The following SF3B1 variants were observed in gnomAD, a reference collection of about 807,000 sequenced individuals.
SF3B1 encodes pre-mRNA processing 10.
Under a neutral mutation model 153.8 loss-of-function variants are expected in SF3B1, and 12 were observed. The ratio of observed to expected loss-of-function variants is 0.08; its 90% CI spans 0.05 to 0.13. The LOEUF (loss-of-function observed/expected upper bound fraction) is 0.13. Ranked by LOEUF, SF3B1 falls within the 10% of genes least tolerant of loss-of-function variation. SF3B1 has a pLI of 1.00. For missense variants in SF3B1, 513 were observed against 1,606.1 expected (o/e 0.32, Z 11.63); for synonymous variants, 498 against 525.2 (o/e 0.95, Z 0.71).
At chr2:197,413,521 T>A (rs2085102244) in intron 6 of SF3B1, among the ~76,000 whole-genome samples, 2 of 152,252 alleles carry the variant, frequency 1.3e-5, no homozygotes, top group African/African-American at 4.8e-5. Context: ...CTAAATTGTT[T>A]AGAAATTATG....
At chr2:197,399,523 T>G (rs762213010) in intron 20 of SF3B1, among the ~76,000 whole-genome samples, 1 of 152,240 alleles carries the variant, frequency 6.6e-6, no homozygotes, top group African/African-American at 2.4e-5. Flanking sequence ...ATAGCTGTAT[T>G]ACGGGTTAGA....
intron 4 of SF3B1, chr2:197,418,837 GCA>G (rs1312982385): frequency 6.6e-7 from 1 of 1,523,074 alleles, no homozygotes; most frequent in Non-Finnish European, 8.8e-7. Flanking sequence ...CAAAATGACA[GCA>G]CAGTTTAGAG....
In SF3B1 at chr2:197,431,637, C is replaced by T. The variant is rs75239142; in HGVS notation, c.28+3335G>A. On this transcript the variant is annotated intron_variant, in intron 1 of 24. Transcript: ENST00000335508. ...CTACTCTCCTTCAGCCAGATATAAC[C>T]GGTGAACAACTATTTCCAAAATACA... Among the ~76,000 whole-genome samples the T allele has an allele frequency of 6.6e-3, 1,006 of 152,206 alleles. 12 individuals are homozygous for T. Among genetic ancestry groups the T allele is most frequent in the South Asian group, 0.03 (144 of 4,820 alleles).
chr2:197,423,740 CAA>C (rs1308327184), intron 2 of SF3B1, 66 bp downstream of exon 2: 5 of 1,503,006 alleles, frequency 3.3e-6, no homozygotes, highest in African/African-American at 1.4e-5. Context: ...ATGGCTGCAA[CAA>C]AAGTTATTCA....
At chr2:197,418,378 C>T (rs1054096539) in intron 5 of SF3B1, 131 bp downstream of exon 5, 3 of 580,016 alleles carry the variant, frequency 5.2e-6, no homozygotes, top group Non-Finnish European at 8.4e-6. Flanking sequence ...GGGTAAGATT[C>T]TTTCTCAGTT....
chr2:197,431,629 G>C (rs182787949), intron 1 of SF3B1, among the ~76,000 whole-genome samples: 2 of 152,264 alleles, frequency 1.3e-5, no homozygotes, highest in African/African-American at 4.8e-5. Context: ...CCTTCAGCCA[G>C]ATATAACCGG....
intron 24 of SF3B1, 37 bp downstream of exon 24, chr2:197,392,935 A>C: frequency 7.7e-7 from 1 of 1,298,206 alleles, no homozygotes; most frequent in Non-Finnish European, 1.1e-6. Context: ...ATTTAAAAAA[A>C]AAAAATCACC....
chr2:197,416,616 A>C, intron 6 of SF3B1, 125 bp downstream of exon 6: 1 of 802,226 alleles, frequency 1.2e-6, no homozygotes, highest in Non-Finnish European at 1.9e-6. Flanking sequence ...TGCGAAAAAA[A>C]TCAATGTCTG....
intron 4 of SF3B1, chr2:197,419,546 T>TAA (rs2085207841): frequency 9.1e-6 from 2 of 220,684 alleles, no homozygotes. Flanking sequence ...CTAGCTCTGA[T>TAA]AAGACTTCCT....
chr2:197,424,124 C>A, intron 1 of SF3B1, 150 bp from the exon 2 acceptor site: 2 of 697,166 alleles, frequency 2.9e-6, no homozygotes, highest in Non-Finnish European at 4.7e-6. Context: ...GTAATCACAA[C>A]AGCGTAAGCA....
At chr2:197,417,202 A>C (rs2085160610) in intron 5 of SF3B1, among the ~76,000 whole-genome samples, 2 of 152,182 alleles carry the variant, frequency 1.3e-5, no homozygotes, top group South Asian at 4.1e-4. Context: ...GAGAACCATA[A>C]TGCTTCCACT....
At position 197,389,925 on chromosome 2, in the gene SF3B1, A is replaced by AACAAAGGCCCACAGAAAAACCC. The variant is rs2084792129; in HGVS notation, c.*2356_*2377dup. ...GAGGGCGATGGCCCACAGAAAAACC[A>AACAAAGGCCCACAGAAAAACCC]ACAAAGGCCCACAGAAAAACCCACC... is the stretch of plus-strand genomic sequence containing the variant. On this transcript the variant is annotated 3_prime_UTR_variant, in exon 25 of 25. Coordinates refer to ENST00000335508, the MANE Select transcript of SF3B1 (RefSeq NM_012433.4). 2 of 152,230 alleles carry AACAAAGGCCCACAGAAAAACCC rather than the reference A, an allele frequency of 1.3e-5. No homozygotes were observed. Among genetic ancestry groups the AACAAAGGCCCACAGAAAAACCC allele is most frequent in the African/African-American group, 4.8e-5 (2 of 41,462 alleles). The allele number at this position is 152,230 out of a possible 1,614,324, so 9.4% of individuals were successfully genotyped here.
chr2:197,432,513 A>G (rs764555156), intron 1 of SF3B1, among the ~76,000 whole-genome samples: 2 of 152,220 alleles, frequency 1.3e-5, no homozygotes, highest in African/African-American at 2.4e-5. Flanking sequence ...CATAAGCCAC[A>G]TTGGCCAGGG....
intron 1 of SF3B1, among the ~76,000 whole-genome samples, chr2:197,425,581 C>T (rs1462085184): frequency 6.6e-6 from 1 of 152,110 alleles, no homozygotes; most frequent in East Asian, 1.9e-4. Context: ...CCTCCCACCC[C>T]CCCAGCTAAG....
rs555990746 is a variant in SF3B1, at chr2:197,407,912, A to G, written c.1239+86T>C. On this transcript the variant is annotated intron_variant, in intron 9 of 24. Coordinates refer to ENST00000335508, the MANE Select transcript of SF3B1 (RefSeq NM_012433.4). ...GAATGACAATAGTAAATTTGGGCAAAGCCAATGCAAGCTTAATCAATTTTT... is the reference window on the plus strand; with the variant it reads ...GAATGACAATAGTAAATTTGGGCAAGGCCAATGCAAGCTTAATCAATTTTT... The G allele has an allele frequency of 3.4e-5, 43 of 1,251,044 alleles. 1 individual carries two copies. In the South Asian group the frequency reaches 5.6e-4, roughly 16 times the overall value. The allele number at this position is 1,251,044 out of a possible 1,614,324, so 77.5% of individuals were successfully genotyped here.
chr2:197,412,341 A>AATTAATTTATTT (rs1553564766), intron 6 of SF3B1, among the ~76,000 whole-genome samples: 2 of 145,684 alleles, frequency 1.4e-5, no homozygotes, highest in African/African-American at 5.1e-5. Flanking sequence ...TCTCTGATTT[A>AATTAATTTATTT]ATTTATTTAT....
In SF3B1 at chr2:197,415,255, T is replaced by A. The variant is rs542917188; in HGVS notation, c.666+1486A>T. On this transcript the variant is annotated intron_variant, in intron 6 of 24. Transcript: ENST00000335508. ...ATAAGCAAAAGAGTAGCTTTAATTA[T>A]TTATTTATTTATTTTGAGACAAAGT... 4.0e-5 allele frequency among the ~76,000 whole-genome samples: 6 copies of A among 151,466 alleles called. No individual in the cohort carries two copies. In the East Asian group the frequency reaches 1.2e-3, roughly 29 times the overall value.
rs745866711 is a variant in SF3B1, at chr2:197,398,590, T to C, written c.3014-9A>G. Reference sequence around the variant, plus strand: ...AGTCATCTTATGCATACCTATTTAATAGAAGTCAATAAACTATCAACATTT... The same window carrying C: ...AGTCATCTTATGCATACCTATTTAACAGAAGTCAATAAACTATCAACATTT... On this transcript the variant is annotated splice_polypyrimidine_tract_variant and intron_variant, in intron 20 of 24. Transcript: ENST00000335508. 31 of 1,608,296 alleles carry C rather than the reference T, an allele frequency of 1.9e-5. No homozygotes were observed. Among genetic ancestry groups the C allele is most frequent in the South Asian group, 1.2e-4 (11 of 90,262 alleles).
Position 197,428,632 on chromosome 2 carries a change from G to A in SF3B1, c.29-4658C>T, listed in dbSNP as rs866190388. 3.9e-5 allele frequency among the ~76,000 whole-genome samples: 6 copies of A among 152,260 alleles called. No individual in the cohort carries two copies. In the South Asian group the frequency reaches 1.0e-3, roughly 26 times the overall value. ...CAACTGGCTGAGCGCGGTGGCTCACGCCTGTAATCCCAGCACTTTGGGAAG... is the reference window on the plus strand; with the variant it reads ...CAACTGGCTGAGCGCGGTGGCTCACACCTGTAATCCCAGCACTTTGGGAAG... On this transcript the variant is annotated intron_variant, in intron 1 of 24. Coordinates refer to ENST00000335508, the MANE Select transcript of SF3B1 (RefSeq NM_012433.4).
Sources: allele counts gnomAD v4.1 joint callset (sites outside exome capture counted in the v4.1 genomes callset), GRCh38; gene constraint gnomAD v4.1.1; transcripts MANE v1.5; gene names NCBI Gene and HGNC (gene_info 2026-07-23, HGNC 2026-07-21).